Variants in LRMDA observed in about 807,000 individuals in gnomAD.
LRMDA encodes leucine-rich melanocyte differentiation-associated protein.
Under a neutral mutation model 29.8 loss-of-function variants are expected in LRMDA, and 18 were observed. That is an observed-to-expected ratio of 0.60 (90% CI 0.42 to 0.90). LRMDA has a LOEUF of 0.90. LRMDA is among the 40% of genes least tolerant of loss of function. LRMDA has a pLI of 0.00. For synonymous variants in LRMDA, 125 were observed against 109.4 expected, an observed-to-expected ratio of 1.14 and a Z score of -0.89; for missense variants, 273 against 273.9, an observed-to-expected ratio of 1.00 and a Z score of 0.02.
chr10:76,349,494 A>G (rs1025163220), intron 6 of LRMDA, among the ~76,000 whole-genome samples: 9 of 152,094 alleles, frequency 5.9e-5, no homozygotes, highest in Non-Finnish European at 1.0e-4. Context: ...TTTACCTAGT[A>G]TCTTTCTATG....
intron 2 of LRMDA, among the ~76,000 whole-genome samples, chr10:75,749,265 A>T (rs185780121): frequency 1.3e-4 from 20 of 152,250 alleles, no homozygotes; most frequent in Admixed American, 7.8e-4. Flanking sequence ...AACATACAAA[A>T]CGTGTTAACC....
intron 2 of LRMDA, among the ~76,000 whole-genome samples, chr10:75,835,532 A>G (rs1844418820): frequency 6.6e-6 from 1 of 152,258 alleles, no homozygotes; most frequent in Non-Finnish European, 1.5e-5. Context: ...GGTGTTATGT[A>G]GCCTACCATA....
intron 4 of LRMDA, among the ~76,000 whole-genome samples, chr10:76,049,544 G>C (rs1848496005): frequency 1.3e-5 from 2 of 152,096 alleles, no homozygotes; most frequent in Admixed American, 1.3e-4. Context: ...ATTTTTTACT[G>C]TTGGTTTGAT....
At chr10:76,545,243 A>C (rs1168348890) in intron 6 of LRMDA, among the ~76,000 whole-genome samples, 2 of 149,770 alleles carry the variant, frequency 1.3e-5, no homozygotes, top group African/African-American at 4.9e-5. Flanking sequence ...CTTTATTTTC[A>C]GTGACTCTCT....
intron 5 of LRMDA, among the ~76,000 whole-genome samples, chr10:76,322,205 T>G (rs533226688): frequency 7.2e-5 from 11 of 152,330 alleles, no homozygotes; most frequent in African/African-American, 2.4e-4. Flanking sequence ...TTCTTTCCTA[T>G]GATAATTGTG....
chr10:76,113,452 T>C (rs1849613391), intron 5 of LRMDA, among the ~76,000 whole-genome samples: 1 of 150,360 alleles, frequency 6.7e-6, no homozygotes, highest in African/African-American at 2.5e-5. Context: ...AAGAGATGAG[T>C]GAGAGGAAAG....
intron 2 of LRMDA, among the ~76,000 whole-genome samples, chr10:75,698,952 G>A (rs12572925): frequency 6.6e-6 from 1 of 152,160 alleles, no homozygotes; most frequent in Admixed American, 6.5e-5. Flanking sequence ...TATAATCCCA[G>A]CACTTTGGGA....
At chr10:76,022,469 T>C (rs751753904) in intron 2 of LRMDA, among the ~76,000 whole-genome samples, 20 of 152,226 alleles carry the variant, frequency 1.3e-4, no homozygotes, top group Non-Finnish European at 2.6e-4. Context: ...GTTATTCTAA[T>C]GGAGACTATC....
intron 2 of LRMDA, among the ~76,000 whole-genome samples, chr10:75,991,238 G>A (rs982682075): frequency 6.6e-6 from 1 of 152,114 alleles, no homozygotes; most frequent in Non-Finnish European, 1.5e-5. Flanking sequence ...GCTGTCGAGT[G>A]GAAGATAGGG....
intron 6 of LRMDA, among the ~76,000 whole-genome samples, chr10:76,443,618 G>A (rs1842325859): frequency 6.6e-6 from 1 of 152,248 alleles, no homozygotes; most frequent in South Asian, 2.1e-4. Flanking sequence ...ATAGTGTAGA[G>A]TTTAAAGTGC....
chr10:75,836,421 G>A (rs891018542), intron 2 of LRMDA, among the ~76,000 whole-genome samples: 1 of 152,220 alleles, frequency 6.6e-6, no homozygotes, highest in Non-Finnish European at 1.5e-5. Context: ...AGGATATTTA[G>A]TTTTTCAGCT....
intron 2 of LRMDA, among the ~76,000 whole-genome samples, chr10:75,565,691 A>G (rs2132066280): frequency 6.6e-6 from 1 of 152,270 alleles, no homozygotes; most frequent in East Asian, 1.9e-4. Context: ...ATGGAAAGGT[A>G]TGTTATTTTT....
chr10:75,659,462 A>G (rs1841721806), intron 2 of LRMDA, among the ~76,000 whole-genome samples: 1 of 152,130 alleles, frequency 6.6e-6, no homozygotes, highest in Admixed American at 6.5e-5. Flanking sequence ...ATACATATAC[A>G]TTGTGAAATG....
At position 76,264,521 on chromosome 10, in the gene LRMDA, G is replaced by T. The variant is rs144047615; in HGVS notation, c.517-59880G>T. On this transcript the variant is annotated intron_variant, in intron 5 of 6. Coordinates refer to ENST00000611255, the MANE Select transcript of LRMDA (RefSeq NM_001305581.2). ...AGTGGCATGGTCATTTTAGTTGAAG[G>T]CATGTCCACTGCGAGTATTTCGGTC... Among the ~76,000 whole-genome samples the T allele has an allele frequency of 2.1e-3, 312 of 149,608 alleles. 3 individuals carry two copies. Among genetic ancestry groups the T allele is most frequent in the African/African-American group, 7.0e-3 (289 of 41,016 alleles).
intron 2 of LRMDA, among the ~76,000 whole-genome samples, chr10:75,765,834 G>A: frequency 6.7e-6 from 1 of 149,284 alleles, no homozygotes; most frequent in Non-Finnish European, 1.5e-5. Context: ...AGCCGCTGGG[G>A]TGCCCACTGT....
chr10:76,282,179 TA>T (rs1384950756), intron 5 of LRMDA, among the ~76,000 whole-genome samples: 1 of 152,242 alleles, frequency 6.6e-6, no homozygotes, highest in Non-Finnish European at 1.5e-5. Context: ...ATGACAAAGT[TA>T]AAAATTATTC....
chr10:75,621,232 A>ACCCC (rs1554816454), intron 2 of LRMDA, among the ~76,000 whole-genome samples: 22 of 150,732 alleles, frequency 1.5e-4, no homozygotes, highest in African/African-American at 5.4e-4. Flanking sequence ...ACACCCACAC[A>ACCCC]CCCACACACA....
intron 6 of LRMDA, among the ~76,000 whole-genome samples, chr10:76,343,215 T>C (rs570938859): frequency 2.8e-4 from 42 of 152,286 alleles, no homozygotes; most frequent in Admixed American, 7.8e-4. Context: ...TACAGAAGTA[T>C]ATTTACAGAG....
At chr10:75,954,690 C>T (rs1393741039) in intron 2 of LRMDA, among the ~76,000 whole-genome samples, 1 of 152,194 alleles carries the variant, frequency 6.6e-6, no homozygotes, top group Non-Finnish European at 1.5e-5. Flanking sequence ...TGTCTGAAAA[C>T]CTTCTGTTGA....
Sources: allele counts gnomAD v4.1 joint callset (sites outside exome capture counted in the v4.1 genomes callset), GRCh38; gene constraint gnomAD v4.1.1; transcripts MANE v1.5; gene names NCBI Gene and HGNC (gene_info 2026-07-23, HGNC 2026-07-21).